CDKL3: variants seen among roughly 807,000 people sequenced by gnomAD.
The protein encoded by CDKL3 is cyclin dependent kinase like 3.
In CDKL3, 65 loss-of-function variants were observed where a neutral mutation model predicts 69.3. That is an observed-to-expected ratio of 0.94 (90% confidence interval 0.77 to 1.15). CDKL3 has a LOEUF of 1.15. Ranked by LOEUF, CDKL3 falls within the 50% of genes most tolerant of loss-of-function variation. CDKL3 has a pLI of 0.00. For synonymous variants in CDKL3, 202 were observed against 221.6 expected, an observed-to-expected ratio of 0.91 and a Z score of 0.79; for missense variants, 652 against 689.2, an observed-to-expected ratio of 0.95 and a Z score of 0.61.
chr5:134,297,890 T>TTGTGTGTGTG (rs528154005), downstream of CDKL3, among the ~76,000 whole-genome samples: 3 of 105,196 alleles, frequency 2.9e-5, no homozygotes, highest in Non-Finnish European at 5.8e-5. Context: ...CATGAATAGT[T>TTGTGTGTGTG]TGTGTGTGTG....
chr5:134,288,697 T>G (rs1250665563), intron 8 of CDKL3, among the ~76,000 whole-genome samples: 2 of 152,190 alleles, frequency 1.3e-5, no homozygotes, highest in African/African-American at 4.8e-5. Context: ...CCCAGTGAAC[T>G]ACTAAATTTC....
intron 6 of CDKL3, among the ~76,000 whole-genome samples, chr5:134,316,772 A>G (rs988729516): frequency 5.9e-5 from 9 of 152,202 alleles, no homozygotes; most frequent in Non-Finnish European, 7.3e-5. Context: ...TTAACATTAT[A>G]GTATCTTTAA....
chr5:134,328,864 A>G (rs371360558), intron 4 of CDKL3, among the ~76,000 whole-genome samples: 11 of 152,324 alleles, frequency 7.2e-5, no homozygotes, highest in African/African-American at 2.4e-4. Flanking sequence ...AAAGTGCTCA[A>G]AAAAGACCTC....
At chr5:134,347,714 A>G (rs1173979392) in intron 4 of CDKL3, among the ~76,000 whole-genome samples, 5 of 151,214 alleles carry the variant, frequency 3.3e-5, no homozygotes, top group Non-Finnish European at 5.9e-5. Context: ...AAAAAAAAAA[A>G]AAAAAAAGAA....
Position 134,348,904 on chromosome 5 carries a change from A to G in CDKL3, c.539+1345T>C, listed in dbSNP as rs112938419. Among the ~76,000 whole-genome samples, 1,475 of 152,298 alleles carry G rather than the reference A, an allele frequency of 9.7e-3. 13 individuals are homozygous for G. Among genetic ancestry groups the G allele is most frequent in the African/African-American group, 0.032 (1,310 of 41,560 alleles). ...AGTCCTATTATTATTTCCATTTTAT[A>G]GATGAAGTAATTGAGGTACAGAGAC... On this transcript the variant is annotated intron_variant, in intron 4 of 12. Coordinates refer to ENST00000265334, the MANE Select transcript of CDKL3 (RefSeq NM_001113575.2).
downstream of CDKL3, among the ~76,000 whole-genome samples, chr5:134,294,553 C>T (rs138886637): frequency 1.8e-3 from 270 of 151,908 alleles, 4 homozygotes; most frequent in Middle Eastern, 3.4e-3. Flanking sequence ...AAAGAAGAAG[C>T]GAAACTATTA....
intron 4 of CDKL3, among the ~76,000 whole-genome samples, chr5:134,347,900 A>C (rs903003407): frequency 3.3e-5 from 5 of 152,096 alleles, no homozygotes; most frequent in African/African-American, 9.7e-5. Context: ...TACAGTGGGT[A>C]CAGGGTTTCG....
At chr5:134,330,420 T>C (rs572699905) in intron 4 of CDKL3, among the ~76,000 whole-genome samples, 1 of 152,312 alleles carries the variant, frequency 6.6e-6, no homozygotes, top group East Asian at 1.9e-4. Context: ...TGCTAAATCT[T>C]TGGCTCACTT....
At chr5:134,299,444 C>T in intron 12 of CDKL3, 8 of 1,101,656 alleles carry the variant, frequency 7.3e-6, no homozygotes, top group Non-Finnish European at 8.1e-6. Flanking sequence ...TAAATGTAAG[C>T]TGCAATTTTA....
intron 12 of CDKL3, among the ~76,000 whole-genome samples, chr5:134,301,728 T>A (rs919417168): frequency 6.6e-6 from 1 of 151,794 alleles, no homozygotes; most frequent in Admixed American, 6.6e-5. Context: ...AAAAATATTT[T>A]TTAAAAAAAA....
intron 4 of CDKL3, among the ~76,000 whole-genome samples, chr5:134,339,536 A>G (rs577781757): frequency 1.3e-5 from 2 of 152,336 alleles, no homozygotes; most frequent in Admixed American, 1.3e-4. Flanking sequence ...CAAGAAGAGA[A>G]AATATGAACA....
At chr5:134,288,941 A>G (rs977768925) in intron 8 of CDKL3, among the ~76,000 whole-genome samples, 1 of 151,754 alleles carries the variant, frequency 6.6e-6, no homozygotes. Flanking sequence ...TTTGTTCAAT[A>G]AACTTTTTTT....
At chr5:134,330,315 T>C (rs1775464184) in intron 4 of CDKL3, among the ~76,000 whole-genome samples, 1 of 152,130 alleles carries the variant, frequency 6.6e-6, no homozygotes, top group Non-Finnish European at 1.5e-5. Context: ...CACCAAAATG[T>C]TTATAAAATT....
chr5:134,299,555 T>A (rs1289376253), intron 12 of CDKL3: 7 of 1,208,096 alleles, frequency 5.8e-6, no homozygotes, highest in African/African-American at 1.5e-5. Flanking sequence ...TTTAGGTGAA[T>A]GTACATATAA....
intron 4 of CDKL3, among the ~76,000 whole-genome samples, chr5:134,333,842 A>G (rs1055478548): frequency 1.3e-5 from 2 of 152,204 alleles, no homozygotes; most frequent in Non-Finnish European, 2.9e-5. Context: ...GTTAGGGAGG[A>G]GTCCCTCTTT....
intron 3 of CDKL3, among the ~76,000 whole-genome samples, chr5:134,355,467 G>C (rs1482076716): frequency 6.6e-6 from 1 of 152,084 alleles, no homozygotes; most frequent in Non-Finnish European, 1.5e-5. Flanking sequence ...GTGGAAGAAA[G>C]ATAAATCCAG....
intron 6 of CDKL3, 103 bp from the exon 7 acceptor site, chr5:134,312,483 CA>C: frequency 1.6e-6 from 1 of 627,990 alleles, no homozygotes; most frequent in Non-Finnish European, 2.7e-6. Flanking sequence ...TTATCCAGAT[CA>C]AAAAGCCTTC....
intron 4 of CDKL3, among the ~76,000 whole-genome samples, chr5:134,347,743 CTA>C (rs1752298711): frequency 6.9e-6 from 1 of 145,906 alleles, no homozygotes; most frequent in Non-Finnish European, 1.5e-5. Flanking sequence ...CTAATACATG[CTA>C]TGTTAAGTGA....
intron 2 of CDKL3, among the ~76,000 whole-genome samples, chr5:134,362,213 A>G (rs1756207358): frequency 6.6e-6 from 1 of 152,192 alleles, no homozygotes; most frequent in Admixed American, 6.5e-5. Flanking sequence ...TTATTTAATG[A>G]AATTCTAGCA....
Sources: allele counts gnomAD v4.1 joint callset (sites outside exome capture counted in the v4.1 genomes callset), GRCh38; gene constraint gnomAD v4.1.1; transcripts MANE v1.5; gene names NCBI Gene and HGNC (gene_info 2026-07-23, HGNC 2026-07-21).